The following MAP4K5 variants were observed in gnomAD, a reference collection of about 807,000 sequenced individuals.
MAP4K5 encodes the protein MAPK/ERK kinase kinase kinase 5.
MAP4K5 carries 82 observed loss-of-function variants against 135.6 expected under a neutral mutation model. That is an observed-to-expected ratio of 0.60 (90% confidence interval 0.51 to 0.73). The LOEUF (loss-of-function observed/expected upper bound fraction) is 0.73, where lower values mean the gene tolerates loss of function less well. Among genes scored for constraint, MAP4K5 ranks in the 30% least tolerant of loss-of-function variants. MAP4K5 has a pLI of 0.00. For missense variants in MAP4K5, 907 were observed against 1,010.9 expected, an observed-to-expected ratio of 0.90 and a Z score of 1.39; for synonymous variants, 347 against 335.0, an observed-to-expected ratio of 1.04 and a Z score of -0.39.
At position 50,429,174 on chromosome 14, in the gene MAP4K5, A is replaced by G; in HGVS notation, c.2233+18T>C. On this transcript the variant is annotated intron_variant, in intron 29 of 32. Transcript: ENST00000682126. ...TATCAAGTAGTATACTCAAAATAAA[A>G]TTAAAAATAGTACTTACTGTCTAAA... 7.0e-7 allele frequency: 1 copy of G among 1,434,676 alleles called. No individual in the cohort carries two copies. Among genetic ancestry groups the G allele is most frequent in the African/African-American group, 1.4e-5 (1 of 69,922 alleles). 88.9% of individuals were successfully genotyped at this position (1,434,676 alleles called of 1,614,324 possible).
chr14:50,525,187 AC>A (rs2038236637), intron 2 of MAP4K5, among the ~76,000 whole-genome samples: 1 of 152,054 alleles, frequency 6.6e-6, no homozygotes, highest in African/African-American at 2.4e-5. Context: ...ATTTCCTACC[AC>A]CTACCAGACA....
At chr14:50,549,270 A>G (rs1207740812) in intron 1 of MAP4K5, among the ~76,000 whole-genome samples, 2 of 152,212 alleles carry the variant, frequency 1.3e-5, no homozygotes, top group Non-Finnish European at 2.9e-5. Flanking sequence ...TACTGACACC[A>G]TATAACCATA....
intron 1 of MAP4K5, chr14:50,560,487 A>C: frequency 1.3e-6 from 1 of 741,116 alleles, no homozygotes; most frequent in Non-Finnish European, 2.2e-6. Flanking sequence ...GCGTCACCGA[A>C]TCGCGCTGTC....
At chr14:50,493,305 AC>A (rs1406437417) in intron 3 of MAP4K5, among the ~76,000 whole-genome samples, 1 of 152,156 alleles carries the variant, frequency 6.6e-6, no homozygotes, top group Admixed American at 6.5e-5. Context: ...GATCTCCATT[AC>A]GTTGCTCAGG....
In MAP4K5 at chr14:50,523,382, G is replaced by A. The variant is rs545549246; in HGVS notation, c.108+8560C>T. On this transcript the variant is annotated intron_variant, in intron 2 of 32. Transcript: ENST00000682126. ...CCTGCACCAGTCAATAAGGCATGGTGATGGCCATGCTTGTGTCTTAGATAA... is the reference window on the plus strand; with the variant it reads ...CCTGCACCAGTCAATAAGGCATGGTAATGGCCATGCTTGTGTCTTAGATAA... 3.9e-5 allele frequency among the ~76,000 whole-genome samples: 6 copies of A among 152,234 alleles called. No individual in the cohort carries two copies. In the East Asian group the frequency reaches 7.7e-4, roughly 20 times the overall value.
intron 12 of MAP4K5, among the ~76,000 whole-genome samples, 161 bp downstream of exon 12, chr14:50,463,891 C>CAA (rs56877870): frequency 4.3e-5 from 3 of 70,394 alleles, no homozygotes; most frequent in African/African-American, 1.8e-4. Context: ...ACCCTGTTTC[C>CAA]AAAAAAAAAA....
At chr14:50,521,679 G>A (rs999839337) in intron 2 of MAP4K5, among the ~76,000 whole-genome samples, 3 of 152,186 alleles carry the variant, frequency 2.0e-5, no homozygotes, top group Non-Finnish European at 4.4e-5. Context: ...GGGCCAGTAT[G>A]ACTCACTAGC....
At chr14:50,495,133 G>C (rs2037566249) in intron 3 of MAP4K5, among the ~76,000 whole-genome samples, 1 of 152,040 alleles carries the variant, frequency 6.6e-6, no homozygotes, top group Non-Finnish European at 1.5e-5. Context: ...AGTTGAAAAG[G>C]CAACCTATAG....
At chr14:50,463,969 T>C in intron 12 of MAP4K5, 83 bp downstream of exon 12, 2 of 695,348 alleles carry the variant, frequency 2.9e-6, no homozygotes, top group South Asian at 3.9e-5. Flanking sequence ...AACATTTTTA[T>C]CTTAAAAACA....
intron 1 of MAP4K5, among the ~76,000 whole-genome samples, chr14:50,557,321 C>G (rs1009172016): frequency 3.9e-5 from 6 of 152,208 alleles, no homozygotes; most frequent in Non-Finnish European, 7.3e-5. Context: ...TATTTCTACC[C>G]TATTCCCACC....
chr14:50,552,636 A>C (rs2038716525), intron 1 of MAP4K5, among the ~76,000 whole-genome samples: 1 of 152,216 alleles, frequency 6.6e-6, no homozygotes, highest in African/African-American at 2.4e-5. Flanking sequence ...ATAGTTACCA[A>C]AACAACGTGG....
intron 1 of MAP4K5, among the ~76,000 whole-genome samples, chr14:50,555,343 G>A (rs1018065956): frequency 3.9e-5 from 6 of 152,156 alleles, no homozygotes; most frequent in African/African-American, 1.2e-4. Flanking sequence ...GTGCAGTGGC[G>A]TGATCTTGGC....
Position 50,437,925 on chromosome 14 carries a change from T to A in MAP4K5, c.1792A>T (p.Thr598Ser), listed in dbSNP as rs751247785. The A allele has an allele frequency of 1.2e-6, 2 of 1,611,328 alleles. No homozygotes were observed. The highest frequency in any genetic ancestry group is 4.5e-5 in the East Asian group (2 of 44,804). ...KKPGLAAHIQ[T>S]HRFPDRILPR... The stretch of plus-strand genomic sequence containing the variant: ...AGTATTCGGTCTGGAAACCTGTGAG[T>A]TTGAATATGGGCAGCTAATCCTGGT... Residue 598 changes from threonine to serine, a missense_variant, in exon 25 of 33, where the codon ACT (threonine) becomes TCT (serine). Physicochemically the swap from Thr to Ser is moderately conservative, Grantham distance 58 (BLOSUM62 1). This residue lies in a region of MAP4K5 where 690 missense variants were observed against 777.4 expected (regional missense o/e 0.89). Coordinates refer to ENST00000682126, the MANE Select transcript of MAP4K5 (RefSeq NM_006575.6).
At chr14:50,470,204 C>G (rs561522214) in intron 9 of MAP4K5, among the ~76,000 whole-genome samples, 1 of 152,224 alleles carries the variant, frequency 6.6e-6, no homozygotes, top group East Asian at 1.9e-4. Flanking sequence ...TGTTGCACTT[C>G]CTGGCTCAGT....
intron 21 of MAP4K5, 27 bp downstream of exon 21, chr14:50,442,705 G>A (rs1044791730): frequency 7.8e-7 from 1 of 1,289,652 alleles, no homozygotes; most frequent in Admixed American, 2.0e-5. Context: ...TTTTATTGGA[G>A]ATGTATATAA....
chr14:50,443,154 A>G (rs2036264836), intron 20 of MAP4K5, among the ~76,000 whole-genome samples: 1 of 152,204 alleles, frequency 6.6e-6, no homozygotes, highest in African/African-American at 2.4e-5. Flanking sequence ...ATTCAGTAAC[A>G]TTATAGTGAT....
intron 31 of MAP4K5, among the ~76,000 whole-genome samples, chr14:50,425,151 A>C (rs2035818129): frequency 2.5e-5 from 1 of 40,730 alleles, no homozygotes; most frequent in South Asian, 1.5e-3. Flanking sequence ...CGTAAATGTG[A>C]AATGTCTCTG....
In MAP4K5 at chr14:50,452,664, G is replaced by A. The variant is rs537314685; in HGVS notation, c.1016-3832C>T. On this transcript the variant is annotated intron_variant, in intron 14 of 32. Transcript: ENST00000682126. ...CTCAATAAATAGAATTTTGCCAGGT[G>A]CTGTTAATAACTAATGCAACAGTAA... 2.0e-5 allele frequency among the ~76,000 whole-genome samples: 3 copies of A among 152,272 alleles called. No individual in the cohort carries two copies. The East Asian group carries it at 5.8e-4, about 29-fold the overall frequency.
intron 32 of MAP4K5, among the ~76,000 whole-genome samples, chr14:50,421,553 C>T (rs1051263815): frequency 4.0e-5 from 6 of 151,572 alleles, no homozygotes; most frequent in South Asian, 2.1e-4. Context: ...TGAGTCACCG[C>T]GCCCGGCAAC....
Sources: allele counts gnomAD v4.1 joint callset (sites outside exome capture counted in the v4.1 genomes callset), GRCh38; gene constraint gnomAD v4.1.1; regional missense constraint gnomAD v4.1.1; transcripts MANE v1.5; gene names NCBI Gene and HGNC (gene_info 2026-07-23, HGNC 2026-07-21).